DLEU7: variants seen among roughly 807,000 people sequenced by gnomAD.
DLEU7 encodes the protein deleted in lymphocytic leukemia 7, also known as leukemia-associated protein 7.
A neutral mutation model predicts 16.0 loss-of-function variants in DLEU7; 17 were observed. The ratio of observed to expected loss-of-function variants is 1.06; its 90% CI spans 0.73 to 1.59. The LOEUF (loss-of-function observed/expected upper bound fraction) is 1.59, where lower values mean the gene tolerates loss of function less well. Ranked by LOEUF, DLEU7 falls within the 40% of genes most tolerant of loss-of-function variation. The probability of loss-of-function intolerance (pLI) is 0.00; values close to 1 mark genes in which losing one functional copy is unlikely to be tolerated. For synonymous variants in DLEU7, 113 were observed against 139.8 expected (o/e 0.81, Z 1.35); for missense variants, 308 against 314.9 (o/e 0.98, Z 0.17).
chr13:50,712,221 T>G (rs1262125634), exon 2 of DLEU7: 1 of 152,216 alleles, frequency 6.6e-6, no homozygotes, highest in East Asian at 1.9e-4. Flanking sequence ...GGGATTTTTC[T>G]TTGCTTTGAT....
At chr13:50,750,855 C>T (rs184236347) in intron 1 of DLEU7, among the ~76,000 whole-genome samples, 191 of 152,234 alleles carry the variant, frequency 1.3e-3, no homozygotes, top group Middle Eastern at 3.4e-3. Flanking sequence ...TTAGGGTTTT[C>T]GAGGTAAACA....
intron 1 of DLEU7, among the ~76,000 whole-genome samples, chr13:50,742,411 G>A (rs1017666749): frequency 7.2e-5 from 11 of 152,098 alleles, no homozygotes; most frequent in East Asian, 1.9e-4. Flanking sequence ...CTAAAATGGC[G>A]TAATTGACCC....
intron 1 of DLEU7, among the ~76,000 whole-genome samples, chr13:50,713,562 G>A (rs1873355136): frequency 1.3e-5 from 2 of 152,076 alleles, no homozygotes; most frequent in African/African-American, 4.8e-5. Flanking sequence ...AAGGAAAATA[G>A]AATTCTAGAA....
intron 1 of DLEU7, among the ~76,000 whole-genome samples, chr13:50,815,743 A>G (rs1480232111): frequency 2.0e-5 from 3 of 152,130 alleles, no homozygotes; most frequent in Non-Finnish European, 4.4e-5. Flanking sequence ...ATGGTACAAC[A>G]TTTTCCCTAA....
intron 1 of DLEU7, among the ~76,000 whole-genome samples, chr13:50,805,056 A>T (rs559511306): frequency 5.3e-5 from 8 of 151,984 alleles, no homozygotes; most frequent in African/African-American, 1.9e-4. Flanking sequence ...GTAAAACTGC[A>T]TTGCTTAGGA....
At position 50,827,249 on chromosome 13, in the gene DLEU7, G is replaced by A. The variant is rs1566265784; in HGVS notation, c.460-3729C>T. Among the ~76,000 whole-genome samples the A allele has an allele frequency of 2.0e-5, 3 of 152,220 alleles. No individual in the cohort carries two copies. The South Asian group carries it at 6.2e-4, about 31-fold the overall frequency. On this transcript the variant is annotated intron_variant, in intron 1 of 1. Transcript: ENST00000504404. ...CGAATGGAGTGGCACTCTAAGCACTGTATTATTCAAGAGAAAGGTGGCAAG... is the reference window on the plus strand; with the variant it reads ...CGAATGGAGTGGCACTCTAAGCACTATATTATTCAAGAGAAAGGTGGCAAG...
chr13:50,831,022 G>C (rs181475870), intron 1 of DLEU7, among the ~76,000 whole-genome samples: 1 of 150,132 alleles, frequency 6.7e-6, no homozygotes, highest in Non-Finnish European at 1.5e-5. Context: ...CATGGATATG[G>C]AAGCTCTTTG....
At chr13:50,787,573 G>A (rs766875037) in intron 1 of DLEU7, among the ~76,000 whole-genome samples, 4 of 151,982 alleles carry the variant, frequency 2.6e-5, no homozygotes, top group African/African-American at 7.3e-5. Context: ...CATCTTTGCT[G>A]ACACCTCTTG....
At chr13:50,833,032 T>C (rs1593415742) in intron 1 of DLEU7, among the ~76,000 whole-genome samples, 1 of 152,198 alleles carries the variant, frequency 6.6e-6, no homozygotes, top group Non-Finnish European at 1.5e-5. Flanking sequence ...AAACTAGGTA[T>C]TGATAAAACA....
chr13:50,713,364 G>A (rs2137698777), intron 1 of DLEU7: 1 of 1,172,142 alleles, frequency 8.5e-7, no homozygotes, highest in Non-Finnish European at 1.2e-6. Flanking sequence ...TGGAGATATG[G>A]GCTAACACAC....
At position 50,812,013 on chromosome 13, in the gene DLEU7, T is replaced by C. The variant is rs185825559; in HGVS notation, c.459+31175A>G. Among the ~76,000 whole-genome samples, 448 of 140,460 alleles carry C rather than the reference T, an allele frequency of 3.2e-3. 3 individuals carry two copies. The highest frequency in any genetic ancestry group is 0.012 in the African/African-American group (433 of 37,580). The allele number at this position is 140,460 out of a possible 152,430, so 92.1% of individuals were successfully genotyped here. ...TGAACCCAGGAGGCAGCAGCTGCAG[T>C]GAGCCAAGATCATACCATTGCACTC... On this transcript the variant is annotated intron_variant, in intron 1 of 1. Coordinates refer to the DLEU7 transcript ENST00000400393.
At chr13:50,842,957 C>T (rs1428059533) in intron 1 of DLEU7, among the ~76,000 whole-genome samples, 1 of 151,998 alleles carries the variant, frequency 6.6e-6, no homozygotes. Context: ...GCAGTCCCCA[C>T]ATCTCGGTTG....
chr13:50,819,532 G>A (rs1416921628), downstream of DLEU7, among the ~76,000 whole-genome samples: 2 of 152,136 alleles, frequency 1.3e-5, no homozygotes, highest in East Asian at 3.9e-4. Context: ...AGACAATAGT[G>A]CCTAGGACCA....
intron 1 of DLEU7, among the ~76,000 whole-genome samples, chr13:50,758,067 A>G (rs1169526066): frequency 6.5e-5 from 6 of 92,728 alleles, no homozygotes; most frequent in East Asian, 3.1e-4. Context: ...AGGTTTAGCT[A>G]TGTTGCCCAG....
intron 1 of DLEU7, among the ~76,000 whole-genome samples, chr13:50,831,799 G>A (rs1470643211): frequency 6.6e-6 from 1 of 152,194 alleles, no homozygotes; most frequent in African/African-American, 2.4e-5. Context: ...GCAAGTTAGT[G>A]ACAGAGTTAA....
chr13:50,737,255 C>G (rs1046137673), intron 1 of DLEU7, among the ~76,000 whole-genome samples: 2 of 151,998 alleles, frequency 1.3e-5, no homozygotes, highest in Non-Finnish European at 2.9e-5. Context: ...TTGAAATAGT[C>G]AAAATATAAA....
At chr13:50,797,377 G>C (rs776918850) in intron 1 of DLEU7, among the ~76,000 whole-genome samples, 1 of 152,130 alleles carries the variant, frequency 6.6e-6, no homozygotes, top group East Asian at 1.9e-4. Context: ...TTTCTGGGAC[G>C]TGCTAATATA....
chr13:50,809,607 G>A (rs892468172), intron 1 of DLEU7, among the ~76,000 whole-genome samples: 6 of 152,068 alleles, frequency 3.9e-5, no homozygotes, highest in Non-Finnish European at 8.8e-5. Context: ...CTGTCTCCAC[G>A]GAAAAGCCCA....
At chr13:50,721,600 T>C (rs563510370) in intron 1 of DLEU7, among the ~76,000 whole-genome samples, 1 of 152,104 alleles carries the variant, frequency 6.6e-6, no homozygotes, top group African/African-American at 2.4e-5. Flanking sequence ...ATAAAAATAA[T>C]ACAAAATTAT....
Sources: allele counts gnomAD v4.1 joint callset (sites outside exome capture counted in the v4.1 genomes callset), GRCh38; gene constraint gnomAD v4.1.1; transcripts MANE v1.5; gene names NCBI Gene and HGNC (gene_info 2026-07-23, HGNC 2026-07-21).